Variants in GALNTL6 observed in about 807,000 individuals in gnomAD.
GALNTL6 encodes the protein polypeptide N-acetylgalactosaminyltransferase like 6.
Under a neutral mutation model 73.7 loss-of-function variants are expected in GALNTL6, and 46 were observed. That is an observed-to-expected ratio of 0.62 (90% CI 0.49 to 0.80). The LOEUF (loss-of-function observed/expected upper bound fraction) is 0.80, where lower values mean the gene tolerates loss of function less well. Ranked by LOEUF, GALNTL6 falls within the 30% of genes least tolerant of loss-of-function variation. The pLI is 0.00. For synonymous variants in GALNTL6, 259 were observed against 263.7 expected, an observed-to-expected ratio of 0.98 and a Z score of 0.17; for missense variants, 604 against 755.0, an observed-to-expected ratio of 0.80 and a Z score of 2.34.
chr4:172,687,075 A>G (rs1732961280), intron 5 of GALNTL6, among the ~76,000 whole-genome samples: 1 of 152,164 alleles, frequency 6.6e-6, no homozygotes, highest in Non-Finnish European at 1.5e-5. Context: ...AAGAAACCCT[A>G]TACATAAAGC....
chr4:172,755,783 T>G lies in GALNTL6; in HGVS notation c.554-53578T>G, dbSNP rs140159743. 7.7e-4 allele frequency among the ~76,000 whole-genome samples: 118 copies of G among 152,348 alleles called. 1 individual carries two copies. In the South Asian group the frequency reaches 0.015, roughly 20 times the overall value. ...AATTTGTGTTGACTTTAGAAATATC[T>G]ATTCTTACAAGGCATCTTTTAACTT... is the stretch of plus-strand genomic sequence containing the variant. On this transcript the variant is annotated intron_variant, in intron 5 of 12. Transcript: ENST00000506823.
intron 5 of GALNTL6, among the ~76,000 whole-genome samples, chr4:172,737,528 T>A (rs1269831621): frequency 6.6e-6 from 1 of 152,200 alleles, no homozygotes; most frequent in Non-Finnish European, 1.5e-5. Flanking sequence ...ATTTTCTATA[T>A]TATCTTGGAG....
intron 11 of GALNTL6, among the ~76,000 whole-genome samples, chr4:173,020,418 G>A (rs1752946557): frequency 6.6e-6 from 1 of 152,118 alleles, no homozygotes; most frequent in Non-Finnish European, 1.5e-5. Context: ...TGTGTTGGAT[G>A]GAATATCAGA....
intron 2 of GALNTL6, among the ~76,000 whole-genome samples, chr4:171,838,192 C>T (rs1230822424): frequency 5.9e-5 from 9 of 151,880 alleles, no homozygotes; most frequent in Non-Finnish European, 1.0e-4. Flanking sequence ...GGCGCCATCT[C>T]GGCTCACTGC....
chr4:172,048,322 T>C (rs1344527968), intron 2 of GALNTL6, among the ~76,000 whole-genome samples: 7 of 152,128 alleles, frequency 4.6e-5, no homozygotes, highest in Admixed American at 4.6e-4. Flanking sequence ...GATTTATAGA[T>C]ACAGAATACC....
chr4:172,561,025 G>A (rs189365043), intron 5 of GALNTL6, among the ~76,000 whole-genome samples: 39 of 151,750 alleles, frequency 2.6e-4, no homozygotes, highest in African/African-American at 5.6e-4. Context: ...AGGCCAAGGC[G>A]GGTGGATCAT....
chr4:171,907,700 C>A, intron 2 of GALNTL6, among the ~76,000 whole-genome samples: 1 of 151,164 alleles, frequency 6.6e-6, no homozygotes, highest in African/African-American at 2.5e-5. Flanking sequence ...AATCCTAAGC[C>A]AAAAGAACAA....
At chr4:171,874,617 A>G (rs1736224582) in intron 2 of GALNTL6, among the ~76,000 whole-genome samples, 1 of 152,160 alleles carries the variant, frequency 6.6e-6, no homozygotes, top group African/African-American at 2.4e-5. Flanking sequence ...CCGTAAAATC[A>G]TGGAGACACC....
chr4:172,539,899 AT>A (rs1561128677), intron 5 of GALNTL6, among the ~76,000 whole-genome samples: 15 of 138,762 alleles, frequency 1.1e-4, no homozygotes, highest in South Asian at 4.4e-4. Flanking sequence ...ATATATATAT[AT>A]ATATATAAAA....
intron 5 of GALNTL6, among the ~76,000 whole-genome samples, chr4:172,544,320 A>G (rs1735676168): frequency 6.6e-6 from 1 of 152,096 alleles, no homozygotes; most frequent in South Asian, 2.1e-4. Flanking sequence ...TACTTACACA[A>G]GATTGGCTTC....
At chr4:171,889,902 A>G (rs1032876202) in intron 2 of GALNTL6, among the ~76,000 whole-genome samples, 2 of 152,112 alleles carry the variant, frequency 1.3e-5, no homozygotes, top group Admixed American at 1.3e-4. Flanking sequence ...CAAATATTCT[A>G]CCACACTTGG....
At chr4:172,542,412 G>A (rs932896633) in intron 5 of GALNTL6, among the ~76,000 whole-genome samples, 4 of 152,086 alleles carry the variant, frequency 2.6e-5, no homozygotes, top group Admixed American at 2.6e-4. Flanking sequence ...TTTACAGGGC[G>A]TTCTTTGTTA....
intron 5 of GALNTL6, among the ~76,000 whole-genome samples, chr4:172,457,657 A>G (rs1198910545): frequency 6.6e-6 from 1 of 152,216 alleles, no homozygotes; most frequent in Admixed American, 6.5e-5. Context: ...AAGAAGAGCT[A>G]ACTATCCTAA....
intron 5 of GALNTL6, among the ~76,000 whole-genome samples, chr4:172,771,449 C>A (rs535340834): frequency 2.0e-5 from 3 of 152,294 alleles, no homozygotes; most frequent in African/African-American, 7.2e-5. Flanking sequence ...CTCATAGATC[C>A]ATTAATCACT....
chr4:171,953,540 A>G (rs1463670851), intron 2 of GALNTL6, among the ~76,000 whole-genome samples: 4 of 152,150 alleles, frequency 2.6e-5, no homozygotes, highest in Non-Finnish European at 5.9e-5. Flanking sequence ...GTTTATTTTT[A>G]CCTTATAGCA....
chr4:172,385,020 GT>G (rs1230309180), intron 5 of GALNTL6, among the ~76,000 whole-genome samples: 79 of 127,714 alleles, frequency 6.2e-4, no homozygotes, highest in East Asian at 2.4e-4. Context: ...TTGTTGTTTT[GT>G]TTTTTTGTTT....
chr4:172,093,485 A>G (rs968107091), intron 2 of GALNTL6, among the ~76,000 whole-genome samples: 1 of 152,118 alleles, frequency 6.6e-6, no homozygotes, highest in African/African-American at 2.4e-5. Context: ...AGTAGTTTTA[A>G]TTATATAGAT....
At chr4:172,230,583 A>C (rs977248183) in intron 3 of GALNTL6, among the ~76,000 whole-genome samples, 6 of 152,018 alleles carry the variant, frequency 3.9e-5, no homozygotes, top group African/African-American at 1.4e-4. Flanking sequence ...CCGTTTCAAA[A>C]AAAAAAAAGA....
In GALNTL6 at chr4:172,089,765, A is replaced by G. The variant is rs546471443; in HGVS notation, c.139-139891A>G. On this transcript the variant is annotated intron_variant, in intron 2 of 12. Transcript: ENST00000506823. The stretch of plus-strand genomic sequence containing the variant: ...TGTGAAGAAAGTGCAGGTTTGGTAC[A>G]TAGGTATACAAGTGCATGGTGGTTT... Among the ~76,000 whole-genome samples, 145 of 152,276 alleles carry G rather than the reference A, an allele frequency of 9.5e-4. 1 individual carries two copies. The highest frequency in any genetic ancestry group is 6.4e-3 in the South Asian group (31 of 4,814).
Sources: allele counts gnomAD v4.1 joint callset (sites outside exome capture counted in the v4.1 genomes callset), GRCh38; gene constraint gnomAD v4.1.1; transcripts MANE v1.5; gene names NCBI Gene and HGNC (gene_info 2026-07-23, HGNC 2026-07-21).